Variants in BLTP3B observed in about 807,000 individuals in gnomAD.
The protein encoded by BLTP3B is bridge-like lipid transfer protein family member 3B.
At chr12:100,142,223 C>A in the BLTP3B span, among the ~76,000 whole-genome samples, 3 of 152,220 alleles carry the variant, frequency 2.0e-5, no homozygotes, top group African/African-American at 7.2e-5. Flanking sequence ...TAGAGCCCAG[C>A]ACATTAACCA....
the BLTP3B span, among the ~76,000 whole-genome samples, chr12:100,103,061 A>T: frequency 6.6e-6 from 1 of 152,120 alleles, no homozygotes; most frequent in Non-Finnish European, 1.5e-5. Context: ...CAAGGCATTT[A>T]TTATCTGGTG....
At chr12:100,058,126 C>G in the BLTP3B span, 1 of 1,613,262 alleles carries the variant, frequency 6.2e-7, no homozygotes, top group South Asian at 1.1e-5. Context: ...GGAAGCAAAT[C>G]TTCAGCTTTA....
the BLTP3B span, among the ~76,000 whole-genome samples, chr12:100,107,365 A>T: frequency 6.6e-6 from 1 of 151,330 alleles, no homozygotes; most frequent in Admixed American, 6.6e-5. Context: ...TGATACTAAC[A>T]GTAAACAGAG....
the BLTP3B span, chr12:100,084,378 TCACACACACACACACACACACA>T: frequency 6.4e-4 from 427 of 664,670 alleles, 1 homozygote; most frequent in East Asian, 2.6e-3. Flanking sequence ...AATACTATGA[TCACACACACACACACACACACA>T]CACACACACA....
chr12:100,116,950 A>T, the BLTP3B span, among the ~76,000 whole-genome samples: 1 of 152,224 alleles, frequency 6.6e-6, no homozygotes, highest in African/African-American at 2.4e-5. Context: ...GAGCCGTAAG[A>T]AAGAATTACC....
At chr12:100,102,744 C>G in the BLTP3B span, 1 of 1,427,400 alleles carries the variant, frequency 7.0e-7, no homozygotes, top group Non-Finnish European at 9.6e-7. Flanking sequence ...GGCAGTCATG[C>G]AGATTAATGG....
At chr12:100,142,469 G>C in the BLTP3B span, 3 of 1,079,506 alleles carry the variant, frequency 2.8e-6, no homozygotes, top group Non-Finnish European at 4.0e-6. Context: ...CGGCCAGAGC[G>C]GGGAAGTCCG....
At chr12:100,085,860 C>T in the BLTP3B span, among the ~76,000 whole-genome samples, 55 of 151,844 alleles carry the variant, frequency 3.6e-4, no homozygotes, top group African/African-American at 1.2e-3. Context: ...TACTCTTATT[C>T]TTAGCTTCAT....
At chr12:100,125,189 A>G in the BLTP3B span, among the ~76,000 whole-genome samples, 1 of 149,938 alleles carries the variant, frequency 6.7e-6, no homozygotes, top group Admixed American at 6.7e-5. Flanking sequence ...AAAATTAGCC[A>G]GACATGGAGG....
the BLTP3B span, among the ~76,000 whole-genome samples, chr12:100,119,864 C>T: frequency 1.3e-4 from 20 of 152,010 alleles, no homozygotes; most frequent in South Asian, 2.1e-4. Context: ...TATTAGTAAC[C>T]TTGAGTTTGG....
the BLTP3B span, among the ~76,000 whole-genome samples, chr12:100,140,704 C>CAA: frequency 0.016 from 541 of 33,704 alleles, 20 homozygotes; most frequent in Non-Finnish European, 0.017. Flanking sequence ...GACTCTGTCT[C>CAA]AAAAAAAAAA....
At chr12:100,059,119 C>G in the BLTP3B span, 1 of 1,614,126 alleles carries the variant, frequency 6.2e-7, no homozygotes, top group Non-Finnish European at 8.5e-7. Flanking sequence ...GGGAATGAGT[C>G]TACAAAACTT....
the BLTP3B span, among the ~76,000 whole-genome samples, chr12:100,064,862 C>G: frequency 7.6e-6 from 1 of 132,224 alleles, no homozygotes; most frequent in Non-Finnish European, 1.6e-5. Flanking sequence ...ATCTATAAAA[C>G]AAAAATTAAA....
the BLTP3B span, among the ~76,000 whole-genome samples, chr12:100,061,207 GA>G: frequency 6.6e-6 from 1 of 152,188 alleles, no homozygotes; most frequent in African/African-American, 2.4e-5. Context: ...ACTCTGGAAG[GA>G]AAGGAAGTAA....
chr12:100,068,641 C>T, the BLTP3B span, among the ~76,000 whole-genome samples: 5 of 152,082 alleles, frequency 3.3e-5, no homozygotes, highest in East Asian at 9.7e-4. Flanking sequence ...CTCAAATCAA[C>T]AAGAAAAAAA....
At chr12:100,050,630 C>T in the BLTP3B span, among the ~76,000 whole-genome samples, 1 of 152,006 alleles carries the variant, frequency 6.6e-6, no homozygotes, top group Non-Finnish European at 1.5e-5. Flanking sequence ...TTGGGCAACA[C>T]AGTGAGACCC....
the BLTP3B span, among the ~76,000 whole-genome samples, chr12:100,141,415 A>G: frequency 6.9e-6 from 1 of 144,030 alleles, no homozygotes; most frequent in Non-Finnish European, 1.5e-5. Flanking sequence ...GTATATATGT[A>G]TATGTATATA....
At chr12:100,055,840 G>A in the BLTP3B span, among the ~76,000 whole-genome samples, 2 of 152,054 alleles carry the variant, frequency 1.3e-5, no homozygotes, top group Non-Finnish European at 2.9e-5. Flanking sequence ...AGGCAATCAG[G>A]TACATAGTAG....
At chr12:100,104,189 G>A in the BLTP3B span, among the ~76,000 whole-genome samples, 1 of 142,746 alleles carries the variant, frequency 7.0e-6, no homozygotes, top group African/African-American at 2.6e-5. Context: ...AATAGAAATT[G>A]TAAGTTCTTT....
Sources: gnomAD v4.1 joint callset for allele counts (sites outside exome capture counted in the v4.1 genomes callset) on GRCh38, gnomAD v4.1.1 for gene constraint, MANE v1.5 for transcripts, NCBI Gene and HGNC (gene_info 2026-07-23, HGNC 2026-07-21) for gene names.